Variants in LARGE1 observed in about 807,000 individuals in gnomAD.
The protein encoded by LARGE1 is LARGE xylosyl- and glucuronyltransferase 1.
A neutral mutation model predicts 87.6 loss-of-function variants in LARGE1; 43 were observed. The ratio of observed to expected loss-of-function variants is 0.49; its 90% CI spans 0.38 to 0.63. The LOEUF (loss-of-function observed/expected upper bound fraction) is 0.63, where lower values mean the gene tolerates loss of function less well. Ranked by LOEUF, LARGE1 falls within the 30% of genes least tolerant of loss-of-function variation. The pLI, the probability that LARGE1 is intolerant of heterozygous loss-of-function variation, is 0.00. For missense variants in LARGE1, 802 were observed against 1,000.2 expected (o/e 0.80, Z 2.67); for synonymous variants, 434 against 394.6 (o/e 1.10, Z -1.18).
intron 11 of LARGE1, among the ~76,000 whole-genome samples, chr22:33,168,563 T>C (rs1922396020): frequency 6.7e-6 from 1 of 149,412 alleles, no homozygotes; most frequent in Non-Finnish European, 1.5e-5. Flanking sequence ...AACGGTCTAA[T>C]AAACATAAAG....
At chr22:33,410,830 C>T (rs2066283351) in intron 7 of LARGE1, among the ~76,000 whole-genome samples, 1 of 152,140 alleles carries the variant, frequency 6.6e-6, no homozygotes, top group Non-Finnish European at 1.5e-5. Flanking sequence ...CTTGCTGAGC[C>T]TCCATCAGCT....
intron 1 of LARGE1, among the ~76,000 whole-genome samples, chr22:33,789,496 C>T (rs2085756096): frequency 6.6e-6 from 1 of 152,190 alleles, no homozygotes; most frequent in Non-Finnish European, 1.5e-5. Context: ...GAGAAGAGGG[C>T]CACTGTCCTT....
chr22:33,611,980 A>G (rs2079442763), intron 4 of LARGE1, among the ~76,000 whole-genome samples: 3 of 152,174 alleles, frequency 2.0e-5, no homozygotes, highest in Admixed American at 2.0e-4. Flanking sequence ...CCCTTCTGAC[A>G]TAAGTAAATG....
intron 7 of LARGE1, among the ~76,000 whole-genome samples, chr22:33,392,141 C>A (rs1049481474): frequency 2.1e-5 from 3 of 139,826 alleles, no homozygotes; most frequent in Admixed American, 2.1e-4. Flanking sequence ...TCTGGGAACA[C>A]ACGCTTCTTC....
intron 9 of LARGE1, among the ~76,000 whole-genome samples, chr22:33,345,870 T>C (rs1247696855): frequency 6.6e-6 from 1 of 152,166 alleles, no homozygotes; most frequent in Non-Finnish European, 1.5e-5. Context: ...AGAGGGTTCA[T>C]AAAAGTAATT....
intron 6 of LARGE1, among the ~76,000 whole-genome samples, chr22:33,458,197 C>G (rs377465403): frequency 1.3e-4 from 20 of 150,730 alleles, no homozygotes; most frequent in African/African-American, 4.6e-4. Context: ...AGCTCCATCT[C>G]CCGGGTTCAT....
At chr22:33,497,611 G>A (rs916199352) in intron 6 of LARGE1, among the ~76,000 whole-genome samples, 10 of 152,216 alleles carry the variant, frequency 6.6e-5, no homozygotes, top group East Asian at 1.9e-4. Context: ...TCAATTTTTC[G>A]ATGTGACAAA....
chr22:33,547,359 G>A (rs545606151), intron 6 of LARGE1, among the ~76,000 whole-genome samples: 9 of 151,850 alleles, frequency 5.9e-5, no homozygotes, highest in Admixed American at 5.2e-4. Context: ...CAGGGTTTGC[G>A]CTACTATGGG....
chr22:33,762,925 C>T (rs1375023880), intron 1 of LARGE1, among the ~76,000 whole-genome samples: 1 of 152,218 alleles, frequency 6.6e-6, no homozygotes, highest in African/African-American at 2.4e-5. Context: ...CCACTGCACA[C>T]AGCTATAAAA....
intron 11 of LARGE1, among the ~76,000 whole-genome samples, chr22:33,170,973 C>G (rs1164989609): frequency 6.6e-6 from 1 of 152,138 alleles, no homozygotes; most frequent in Non-Finnish European, 1.5e-5. Context: ...GACCAAAATG[C>G]TGATAGTGAT....
intron 1 of LARGE1, among the ~76,000 whole-genome samples, chr22:33,887,597 C>T (rs1047227985): frequency 7.2e-5 from 11 of 151,988 alleles, no homozygotes; most frequent in African/African-American, 1.9e-4. Flanking sequence ...ATTAGCCAGG[C>T]GTGGTGGGTG....
intron 11 of LARGE1, among the ~76,000 whole-genome samples, chr22:33,245,813 G>T (rs898121229): frequency 1.3e-5 from 2 of 152,150 alleles, no homozygotes; most frequent in African/African-American, 2.4e-5. Flanking sequence ...GGAGGCTGAG[G>T]CAGGAGAATC....
At chr22:33,500,116 T>C (rs1313305985) in intron 6 of LARGE1, among the ~76,000 whole-genome samples, 7 of 152,200 alleles carry the variant, frequency 4.6e-5, no homozygotes, top group African/African-American at 1.7e-4. Flanking sequence ...CATGTATACA[T>C]TGAAATATAT....
At chr22:33,642,386 C>T (rs961250585) in intron 3 of LARGE1, among the ~76,000 whole-genome samples, 1 of 152,088 alleles carries the variant, frequency 6.6e-6, no homozygotes, top group Non-Finnish European at 1.5e-5. Context: ...CTGAAGGAAG[C>T]ACTAAATATG....
At chr22:33,916,667 C>G (rs2065797027) in intron 1 of LARGE1, among the ~76,000 whole-genome samples, 1 of 152,118 alleles carries the variant, frequency 6.6e-6, no homozygotes, top group Admixed American at 6.5e-5. Flanking sequence ...TCCCCCACCC[C>G]CAATGCAGTA....
intron 2 of LARGE1, among the ~76,000 whole-genome samples, chr22:33,738,949 C>CAGT (rs1199260080): frequency 6.7e-6 from 1 of 150,276 alleles, no homozygotes; most frequent in Non-Finnish European, 1.5e-5. Flanking sequence ...AACAGTGTTC[C>CAGT]AGTTTGGACA....
At chr22:33,705,811 C>G (rs1344112532) in intron 2 of LARGE1, among the ~76,000 whole-genome samples, 1 of 152,164 alleles carries the variant, frequency 6.6e-6, no homozygotes, top group African/African-American at 2.4e-5. Flanking sequence ...AGGCAATAAA[C>G]ATGATAATGT....
rs534400096 is a variant in LARGE1 at position 33,253,759 on chromosome 22, G to T, written c.1730+50470C>A. Among the ~76,000 whole-genome samples, 9 of 152,274 alleles carry T rather than the reference G, an allele frequency of 5.9e-5. No individual in the cohort carries two copies. The South Asian group carries it at 1.7e-3, about 28-fold the overall frequency. ...GCACTCTAGAGTAGTATCTGAGGAT[G>T]GGGCTGCACCTCGGAGGGGAAGGCT... On this transcript the variant is annotated intron_variant, in intron 11 of 11. Transcript: ENST00000608642.
intron 2 of LARGE1, among the ~76,000 whole-genome samples, chr22:33,689,432 G>A (rs969688189): frequency 4.6e-5 from 7 of 152,200 alleles, no homozygotes; most frequent in Non-Finnish European, 1.0e-4. Context: ...GAGACAGACA[G>A]AGGTGACCGA....
Sources: allele counts gnomAD v4.1 joint callset (sites outside exome capture counted in the v4.1 genomes callset), GRCh38; gene constraint gnomAD v4.1.1; transcripts MANE v1.5; gene names NCBI Gene and HGNC (gene_info 2026-07-23, HGNC 2026-07-21).